The following RPTOR variants were observed in gnomAD, a reference collection of about 807,000 sequenced individuals.
The protein encoded by RPTOR is regulatory associated protein of MTOR complex 1, also known as regulatory-associated protein of mTOR.
RPTOR carries 21 observed loss-of-function variants against 169.9 expected under a neutral mutation model. The ratio of observed to expected loss-of-function variants is 0.12; its 90% CI spans 0.09 to 0.18. The LOEUF (loss-of-function observed/expected upper bound fraction) is 0.18, where lower values mean the gene tolerates loss of function less well. RPTOR is among the 10% of genes least tolerant of loss of function. The pLI is 1.00. For missense variants in RPTOR, 1,133 were observed against 1,855.9 expected, an observed-to-expected ratio of 0.61 and a Z score of 7.16; for synonymous variants, 732 against 753.2, an observed-to-expected ratio of 0.97 and a Z score of 0.46.
At position 80,902,624 on chromosome 17, in the gene RPTOR, G is replaced by A. The variant is rs146147552; in HGVS notation, c.2402-6187G>A. On this transcript the variant is annotated intron_variant, in intron 20 of 33. Coordinates refer to ENST00000306801, the MANE Select transcript of RPTOR (RefSeq NM_020761.3). ...CTCTGCACTTATCTGTGTTCCTGACGGCCACAAGTGGCCGTGGAGCTGCTC... is the reference window on the plus strand; with the variant it reads ...CTCTGCACTTATCTGTGTTCCTGACAGCCACAAGTGGCCGTGGAGCTGCTC... 3.5e-4 allele frequency among the ~76,000 whole-genome samples: 54 copies of A among 152,322 alleles called. No individual in the cohort carries two copies. The East Asian group carries it at 8.5e-3, about 24-fold the overall frequency.
chr17:80,569,928 G>GC (rs1599559305), intron 1 of RPTOR, among the ~76,000 whole-genome samples: 1 of 152,080 alleles, frequency 6.6e-6, no homozygotes, highest in East Asian at 1.9e-4. Flanking sequence ...CGCTTCTCCT[G>GC]CCCCTGTGGC....
intron 25 of RPTOR, 72 bp downstream of exon 25, chr17:80,940,673 C>G: frequency 7.7e-7 from 1 of 1,302,804 alleles, no homozygotes; most frequent in Non-Finnish European, 1.1e-6. Flanking sequence ...CCCCTGTGAG[C>G]AGGCCCCCCG....
At chr17:80,599,325 C>T (rs1285855548) in intron 1 of RPTOR, among the ~76,000 whole-genome samples, 1 of 146,108 alleles carries the variant, frequency 6.8e-6, no homozygotes, top group African/African-American at 2.4e-5. Flanking sequence ...CCAGCTGAGG[C>T]CCCCTGAGAC....
Position 80,844,662 on chromosome 17 carries a change from T to G in RPTOR, c.1213-1811T>G, listed in dbSNP as rs902452786. Among the ~76,000 whole-genome samples, 1 of 152,224 alleles carries G rather than the reference T, an allele frequency of 6.6e-6. No homozygotes were observed. The highest frequency in any genetic ancestry group is 1.5e-5 in the Non-Finnish European group (1 of 68,032). On this transcript the variant is annotated intron_variant, in intron 10 of 33. Transcript: ENST00000306801. This position sits in a 1 kb window ranked among gnomAD's most constrained non-coding sequence, Gnocchi z 4.7. ...AGCACGGATTCCTACGTGGTGAATG[T>G]TCTCGGCTGACTTTTTAAGTCGGGC...
chr17:80,945,930 C>G, intron 26 of RPTOR, 149 bp downstream of exon 26: 1 of 487,452 alleles, frequency 2.1e-6, no homozygotes, highest in East Asian at 3.5e-5. Context: ...GAGAAACGGC[C>G]CTACTCACCT....
chr17:80,606,284 A>G (rs996149672), intron 1 of RPTOR, among the ~76,000 whole-genome samples: 2 of 148,544 alleles, frequency 1.3e-5, no homozygotes, highest in East Asian at 3.9e-4. Context: ...TGCTGGGATT[A>G]CAGGCATGAG....
At chr17:80,689,333 C>T (rs1172300963) in intron 3 of RPTOR, among the ~76,000 whole-genome samples, 1 of 152,230 alleles carries the variant, frequency 6.6e-6, no homozygotes, top group Admixed American at 6.5e-5. Flanking sequence ...ACCATGCACT[C>T]CCCCGTGGGA....
intron 20 of RPTOR, among the ~76,000 whole-genome samples, chr17:80,896,796 A>G (rs2068411646): frequency 6.6e-6 from 1 of 152,194 alleles, no homozygotes; most frequent in Non-Finnish European, 1.5e-5. Flanking sequence ...TCCTTGCATC[A>G]TGAGTCTTCC....
Position 80,840,672 on chromosome 17 carries a change from C to T in RPTOR, c.1212+2675C>T, listed in dbSNP as rs551721580. Among the ~76,000 whole-genome samples the T allele has an allele frequency of 8.5e-3, 661 of 77,774 alleles. 8 individuals are homozygous for T. Among genetic ancestry groups the T allele is most frequent in the African/African-American group, 0.023 (637 of 27,752 alleles). The allele number at this position is 77,774 out of a possible 152,430, so 51.0% of individuals were successfully genotyped here. A position where few individuals can be genotyped will look rare whatever the true frequency, so the allele number is the denominator to read the frequency against. ...CACTCTCACCACACCACAGCTCACT[C>T]TCACCACACGGCAGCTCACTCTCAC... On this transcript the variant is annotated intron_variant, in intron 10 of 33. Coordinates refer to ENST00000306801, the MANE Select transcript of RPTOR (RefSeq NM_020761.3).
intron 6 of RPTOR, among the ~76,000 whole-genome samples, chr17:80,767,845 AT>A (rs10712532): frequency 0.28 from 42,852 of 150,832 alleles, 6,317 homozygotes; most frequent in African/African-American, 0.36. Context: ...TGTTACTTGA[AT>A]TTTTTTTTTA....
chr17:80,848,481 C>T (rs2067756834), intron 11 of RPTOR, among the ~76,000 whole-genome samples: 1 of 152,254 alleles, frequency 6.6e-6, no homozygotes, highest in Admixed American at 6.5e-5. Context: ...TGTTCAAAAC[C>T]AAGAACACGC....
At chr17:80,907,316 C>T (rs192543616) in intron 20 of RPTOR, among the ~76,000 whole-genome samples, 47 of 152,390 alleles carry the variant, frequency 3.1e-4, no homozygotes, top group Middle Eastern at 3.4e-3. Context: ...GTGGCTGGAT[C>T]CCTTTTCAGC....
At chr17:80,853,711 G>A (rs976923483) in intron 11 of RPTOR, among the ~76,000 whole-genome samples, 1 of 152,230 alleles carries the variant, frequency 6.6e-6, no homozygotes, top group Non-Finnish European at 1.5e-5. Flanking sequence ...GGGCACGGTG[G>A]CTCACGCCTG....
intron 11 of RPTOR, among the ~76,000 whole-genome samples, chr17:80,852,678 A>G (rs1463008052): frequency 6.6e-6 from 1 of 151,798 alleles, no homozygotes; most frequent in Admixed American, 6.6e-5. Flanking sequence ...CAGCCTGGCT[A>G]GCCACCTCCT....
chr17:80,569,633 A>G (rs747052815), intron 1 of RPTOR, among the ~76,000 whole-genome samples: 10 of 152,222 alleles, frequency 6.6e-5, no homozygotes, highest in African/African-American at 9.6e-5. Flanking sequence ...CTTCTGGAAC[A>G]CAGTCCCATT....
chr17:80,582,599 G>T (rs1202811760), intron 1 of RPTOR, among the ~76,000 whole-genome samples: 1 of 137,724 alleles, frequency 7.3e-6, no homozygotes, highest in African/African-American at 2.7e-5. Context: ...AGGCTGGAGT[G>T]CAATGGCGTG....
chr17:80,548,356 G>A (rs1489503637), intron 1 of RPTOR, among the ~76,000 whole-genome samples: 3 of 142,932 alleles, frequency 2.1e-5, no homozygotes, highest in South Asian at 2.2e-4. Context: ...CAGCCAACAC[G>A]CTCAGCCTGG....
At chr17:80,724,997 T>C (rs1397587413) in intron 4 of RPTOR, among the ~76,000 whole-genome samples, 1 of 152,222 alleles carries the variant, frequency 6.6e-6, no homozygotes, top group African/African-American at 2.4e-5. Flanking sequence ...TTTGTACTCA[T>C]CTGTTTGGTA....
chr17:80,753,149 C>T (rs2143329304), intron 5 of RPTOR, among the ~76,000 whole-genome samples: 1 of 152,252 alleles, frequency 6.6e-6, no homozygotes. Context: ...ATAAAATCCC[C>T]CTAATCCCCC....
Sources: gnomAD v4.1 joint callset for allele counts (sites outside exome capture counted in the v4.1 genomes callset) on GRCh38, gnomAD v4.1.1 for gene constraint, Gnocchi (gnomAD v3.1) non-coding constraint, MANE v1.5 for transcripts, NCBI Gene and HGNC (gene_info 2026-07-23, HGNC 2026-07-21) for gene names.